The following FBXL7 variants were observed in gnomAD, a reference collection of about 807,000 sequenced individuals.
FBXL7 encodes the protein F-box/LRR-repeat protein 7.
FBXL7 carries 12 observed loss-of-function variants against 38.3 expected under a neutral mutation model. The observed-to-expected ratio is 0.31, with a 90% CI of 0.20 to 0.51. The LOEUF (loss-of-function observed/expected upper bound fraction) is 0.51, where lower values mean the gene tolerates loss of function less well. Among genes scored for constraint, FBXL7 ranks in the 20% least tolerant of loss-of-function variants. The pLI, the probability that FBXL7 is intolerant of heterozygous loss-of-function variation, is 0.98. For missense variants in FBXL7, 567 were observed against 676.4 expected, an observed-to-expected ratio of 0.84 and a Z score of 1.79; for synonymous variants, 297 against 300.9, an observed-to-expected ratio of 0.99 and a Z score of 0.13.
intron 2 of FBXL7, among the ~76,000 whole-genome samples, chr5:15,660,796 A>G (rs1043781334): frequency 1.3e-5 from 2 of 152,212 alleles, no homozygotes; most frequent in African/African-American, 4.8e-5. Flanking sequence ...TATTTATGAC[A>G]TAGCCAAGGT....
chr5:15,628,231 G>A (rs767243580), intron 2 of FBXL7, among the ~76,000 whole-genome samples: 8 of 152,172 alleles, frequency 5.3e-5, no homozygotes, highest in Non-Finnish European at 1.0e-4. Flanking sequence ...TAAATAGTGA[G>A]ACATGTTTGG....
At chr5:15,619,173 C>CT (rs1302229422) in intron 2 of FBXL7, among the ~76,000 whole-genome samples, 5 of 152,090 alleles carry the variant, frequency 3.3e-5, no homozygotes, top group African/African-American at 1.2e-4. Context: ...GGATTTCTTC[C>CT]TTTTTCCCCG....
At chr5:15,791,042 C>A (rs1483970727) in intron 2 of FBXL7, among the ~76,000 whole-genome samples, 1 of 144,200 alleles carries the variant, frequency 6.9e-6, no homozygotes, top group Non-Finnish European at 1.5e-5. Context: ...CTGTTCTAGC[C>A]TCCTTGCTAG....
intron 2 of FBXL7, among the ~76,000 whole-genome samples, chr5:15,708,637 G>C (rs540265276): frequency 1.1e-4 from 17 of 152,286 alleles, no homozygotes; most frequent in Admixed American, 1.1e-3. Context: ...GTAAATCTCT[G>C]AGACATTATC....
intron 1 of FBXL7, among the ~76,000 whole-genome samples, chr5:15,502,752 T>C (rs917431508): frequency 2.6e-5 from 4 of 152,234 alleles, no homozygotes; most frequent in Non-Finnish European, 5.9e-5. Context: ...TGTAATGGGT[T>C]ATGGTCAACT....
chr5:15,581,811 A>G (rs1010021096), intron 1 of FBXL7, among the ~76,000 whole-genome samples: 4 of 152,004 alleles, frequency 2.6e-5, no homozygotes, highest in African/African-American at 7.3e-5. Context: ...GGTGGGGAAT[A>G]TGGATGAGAG....
intron 2 of FBXL7, among the ~76,000 whole-genome samples, chr5:15,765,366 C>T (rs1185025383): frequency 6.6e-6 from 1 of 152,116 alleles, no homozygotes; most frequent in Non-Finnish European, 1.5e-5. Flanking sequence ...GTAGCTGCAA[C>T]CACACACTTT....
intron 2 of FBXL7, among the ~76,000 whole-genome samples, chr5:15,721,944 C>T (rs542687323): frequency 6.6e-6 from 1 of 152,278 alleles, no homozygotes; most frequent in Admixed American, 6.5e-5. Flanking sequence ...AAGCAATTCT[C>T]CTGCCTCAGC....
intron 2 of FBXL7, among the ~76,000 whole-genome samples, chr5:15,720,327 TGA>T (rs902510877): frequency 1.3e-5 from 2 of 148,650 alleles, no homozygotes; most frequent in African/African-American, 4.9e-5. Flanking sequence ...TGGAAAGGAC[TGA>T]GGGTAAATTA....
Position 15,634,580 on chromosome 5 carries a change from C to G in FBXL7, c.127+18508C>G, listed in dbSNP as rs144736929. Among the ~76,000 whole-genome samples the G allele has an allele frequency of 4.8e-3, 734 of 152,136 alleles. 6 individuals are homozygous for G. The highest frequency in any genetic ancestry group is 0.017 in the African/African-American group (713 of 41,520). The stretch of plus-strand genomic sequence containing the variant: ...AAGTGATCTGCCCACCTCAGCCTCC[C>G]AAGGTGCTGAGATTACAGGCGTGAG... On this transcript the variant is annotated intron_variant, in intron 2 of 3. Transcript: ENST00000504595.
intron 2 of FBXL7, among the ~76,000 whole-genome samples, chr5:15,865,255 C>A (rs947465251): frequency 1.3e-5 from 2 of 152,070 alleles, no homozygotes; most frequent in African/African-American, 4.8e-5. Context: ...CTAAATGCTA[C>A]GAGCTGAAGG....
intron 2 of FBXL7, among the ~76,000 whole-genome samples, chr5:15,712,513 G>A (rs1283390283): frequency 6.6e-6 from 1 of 152,038 alleles, no homozygotes; most frequent in Admixed American, 6.6e-5. Context: ...ATTTTGAAGT[G>A]TTGCATTAAA....
At chr5:15,873,856 A>G (rs962675191) in intron 2 of FBXL7, among the ~76,000 whole-genome samples, 1 of 152,236 alleles carries the variant, frequency 6.6e-6, no homozygotes, top group Non-Finnish European at 1.5e-5. Flanking sequence ...AGCTGGTACC[A>G]TTCCTTCTGA....
chr5:15,777,234 G>A (rs1736877797), intron 2 of FBXL7, among the ~76,000 whole-genome samples: 1 of 151,994 alleles, frequency 6.6e-6, no homozygotes. Flanking sequence ...CCCCCACCTT[G>A]GACCTCTAGA....
chr5:15,564,797 C>T (rs935754769), intron 1 of FBXL7, among the ~76,000 whole-genome samples: 1 of 151,964 alleles, frequency 6.6e-6, no homozygotes, highest in Non-Finnish European at 1.5e-5. Flanking sequence ...ATTTTGTGCA[C>T]AATATGCCTG....
intron 2 of FBXL7, among the ~76,000 whole-genome samples, chr5:15,924,927 GGGGCTAGT>G (rs1741842867): frequency 6.6e-6 from 1 of 152,188 alleles, no homozygotes; most frequent in South Asian, 2.1e-4. Context: ...GTGCCTGCAA[GGGGCTAGT>G]GAGGCATGTT....
At chr5:15,822,622 CTTTTT>C (rs371800054) in intron 2 of FBXL7, among the ~76,000 whole-genome samples, 156 of 131,766 alleles carry the variant, frequency 1.2e-3, no homozygotes, top group Non-Finnish European at 2.0e-3. Context: ...GCTGGTTGCT[CTTTTT>C]TTTTTTTTTT....
At chr5:15,879,552 A>G (rs752951601) in intron 2 of FBXL7, among the ~76,000 whole-genome samples, 39 of 152,212 alleles carry the variant, frequency 2.6e-4, no homozygotes, top group Non-Finnish European at 3.2e-4. Context: ...TTAGTATCAC[A>G]GAAGAGTGAA....
chr5:15,722,556 T>A (rs1561099974), intron 2 of FBXL7, among the ~76,000 whole-genome samples: 2 of 152,160 alleles, frequency 1.3e-5, no homozygotes, highest in African/African-American at 4.8e-5. Context: ...GTGGAACACA[T>A]CCTCTTGGCC....
Sources: gnomAD v4.1 joint callset for allele counts (sites outside exome capture counted in the v4.1 genomes callset) on GRCh38, gnomAD v4.1.1 for gene constraint, MANE v1.5 for transcripts, NCBI Gene and HGNC (gene_info 2026-07-23, HGNC 2026-07-21) for gene names.